ARHGAP15: variants seen among roughly 807,000 people sequenced by gnomAD.
The protein encoded by ARHGAP15 is Rho GTPase activating protein 15, also known as rho GTPase-activating protein 15.
Under a neutral mutation model 63.7 loss-of-function variants are expected in ARHGAP15, and 51 were observed. The observed-to-expected ratio is 0.80, with a 90% CI of 0.64 to 1.01. The LOEUF is 1.01. Among genes scored for constraint, ARHGAP15 ranks in the 50% least tolerant of loss-of-function variants. ARHGAP15 has a pLI of 0.00. For missense variants in ARHGAP15, 560 were observed against 564.6 expected (o/e 0.99, Z 0.08); for synonymous variants, 191 against 193.8 (o/e 0.99, Z 0.12).
At chr2:143,752,228 C>T (rs1686406244) in intron 13 of ARHGAP15, among the ~76,000 whole-genome samples, 1 of 152,276 alleles carries the variant, frequency 6.6e-6, no homozygotes, top group African/African-American at 2.4e-5. Context: ...GAGCCTAGTT[C>T]TGTAATGGAC....
At chr2:143,648,035 C>G (rs1680973309) in intron 12 of ARHGAP15, among the ~76,000 whole-genome samples, 1 of 151,966 alleles carries the variant, frequency 6.6e-6, no homozygotes, top group Non-Finnish European at 1.5e-5. Context: ...ATTGATACTG[C>G]AGCACCCAGC....
At chr2:143,677,986 T>A (rs1682910674) in intron 12 of ARHGAP15, among the ~76,000 whole-genome samples, 1 of 152,150 alleles carries the variant, frequency 6.6e-6, no homozygotes, top group Admixed American at 6.5e-5. Flanking sequence ...GGCGGGCAGA[T>A]CACTTGAGCC....
chr2:143,201,149 G>A (rs1225244056), intron 2 of ARHGAP15, among the ~76,000 whole-genome samples: 3 of 151,046 alleles, frequency 2.0e-5, no homozygotes, highest in Non-Finnish European at 4.4e-5. Context: ...TCACTCTGTT[G>A]CCCAGGCTGG....
At chr2:143,711,319 C>G (rs1684570022) in intron 13 of ARHGAP15, among the ~76,000 whole-genome samples, 1 of 152,184 alleles carries the variant, frequency 6.6e-6, no homozygotes, top group Admixed American at 6.5e-5. Context: ...GATGCAATAT[C>G]TAAAATGCTA....
At chr2:143,455,855 G>C (rs189579559) in intron 8 of ARHGAP15, among the ~76,000 whole-genome samples, 12 of 152,180 alleles carry the variant, frequency 7.9e-5, no homozygotes, top group African/African-American at 2.9e-4. Flanking sequence ...CTCCAATCTT[G>C]AGTCCTGGTG....
chr2:143,326,434 T>C (rs1013004437), intron 6 of ARHGAP15, among the ~76,000 whole-genome samples: 2 of 151,974 alleles, frequency 1.3e-5, no homozygotes, highest in Admixed American at 6.5e-5. Context: ...AACTCATGTC[T>C]GCCTGGCTCT....
At chr2:143,203,559 GC>G (rs1692209350) in intron 3 of ARHGAP15, among the ~76,000 whole-genome samples, 1 of 152,030 alleles carries the variant, frequency 6.6e-6, no homozygotes, top group Admixed American at 6.6e-5. Context: ...TACACTAGAA[GC>G]CCAACAACCA....
chr2:143,656,856 C>T (rs1681461142), intron 12 of ARHGAP15, among the ~76,000 whole-genome samples: 1 of 151,596 alleles, frequency 6.6e-6, no homozygotes, highest in African/African-American at 2.4e-5. Context: ...AGACCTAAAG[C>T]AGAACTTGGT....
At chr2:143,131,095 G>C (rs1371223017) in intron 1 of ARHGAP15, among the ~76,000 whole-genome samples, 1 of 152,132 alleles carries the variant, frequency 6.6e-6, no homozygotes, top group East Asian at 1.9e-4. Context: ...CTGTAAAAAT[G>C]AGTGTTTCTT....
intron 9 of ARHGAP15, among the ~76,000 whole-genome samples, chr2:143,515,785 A>G (rs9808524): frequency 0.3 from 45,803 of 152,062 alleles, 7,551 homozygotes; most frequent in East Asian, 0.42. Flanking sequence ...TAGAAAATCA[A>G]TGGTATCTGC....
intron 6 of ARHGAP15, among the ~76,000 whole-genome samples, chr2:143,338,552 G>A (rs1339963298): frequency 6.6e-6 from 1 of 152,124 alleles, no homozygotes. Flanking sequence ...ATGGGAAGTA[G>A]GAGATGAAAA....
intron 5 of ARHGAP15, 110 bp from the exon 6 acceptor site, chr2:143,250,401 G>A (rs1235889788): frequency 2.4e-5 from 17 of 716,366 alleles, no homozygotes; most frequent in Non-Finnish European, 2.2e-6. Flanking sequence ...AAACAAAAAA[G>A]GCATTATATC....
At chr2:143,572,561 A>T (rs1696505276) in intron 11 of ARHGAP15, among the ~76,000 whole-genome samples, 1 of 152,192 alleles carries the variant, frequency 6.6e-6, no homozygotes, top group African/African-American at 2.4e-5. Context: ...AAGAGACGTC[A>T]TATAATCAGG....
intron 8 of ARHGAP15, among the ~76,000 whole-genome samples, chr2:143,461,362 C>T (rs960807525): frequency 1.3e-5 from 2 of 148,228 alleles, no homozygotes; most frequent in Admixed American, 1.4e-4. Flanking sequence ...TTTGATGTGG[C>T]GTATTCTATT....
At chr2:143,233,947 A>C (rs1333440076) in intron 5 of ARHGAP15, among the ~76,000 whole-genome samples, 1 of 152,060 alleles carries the variant, frequency 6.6e-6, no homozygotes, top group African/African-American at 2.4e-5. Flanking sequence ...ACCAGGCCCA[A>C]TGGCTATCTT....
chr2:143,130,046 A>G (rs969196260), intron 1 of ARHGAP15, among the ~76,000 whole-genome samples: 1 of 152,158 alleles, frequency 6.6e-6, no homozygotes, highest in African/African-American at 2.4e-5. Flanking sequence ...ATTTCATTTA[A>G]GATATAGGGT....
chr2:143,760,159 A>G (rs1325182246), intron 13 of ARHGAP15, among the ~76,000 whole-genome samples: 1 of 152,110 alleles, frequency 6.6e-6, no homozygotes, highest in Non-Finnish European at 1.5e-5. Flanking sequence ...ATTTTTATGA[A>G]CTAATAAATG....
chr2:143,148,438 T>G (rs1164618480), intron 1 of ARHGAP15, among the ~76,000 whole-genome samples: 2 of 152,044 alleles, frequency 1.3e-5, no homozygotes, highest in Non-Finnish European at 2.9e-5. Flanking sequence ...CCCAACAGGA[T>G]GGAGTTTGAA....
chr2:143,359,390 A>T (rs1685945225), intron 6 of ARHGAP15, among the ~76,000 whole-genome samples: 1 of 152,162 alleles, frequency 6.6e-6, no homozygotes, highest in Non-Finnish European at 1.5e-5. Context: ...TAGGACTATC[A>T]TCAACACCTT....
Sources: gnomAD v4.1 joint callset for allele counts (sites outside exome capture counted in the v4.1 genomes callset) on GRCh38, gnomAD v4.1.1 for gene constraint, MANE v1.5 for transcripts, NCBI Gene and HGNC (gene_info 2026-07-23, HGNC 2026-07-21) for gene names.